SLC7A1: variants seen among roughly 807,000 people sequenced by gnomAD.
SLC7A1 encodes the protein high affinity cationic amino acid transporter 1.
In SLC7A1, 10 loss-of-function variants were observed where a neutral mutation model predicts 53.9. That is an observed-to-expected ratio of 0.19 (90% CI 0.11 to 0.31). The LOEUF (loss-of-function observed/expected upper bound fraction) is 0.31. Ranked by LOEUF, SLC7A1 falls within the 10% of genes least tolerant of loss-of-function variation. The pLI is 1.00. For synonymous variants in SLC7A1, 342 were observed against 338.7 expected (o/e 1.01, Z -0.11); for missense variants, 525 against 827.2 (o/e 0.63, Z 4.48).
Position 29,524,391 on chromosome 13 carries a change from C to T in SLC7A1, c.705-138G>A, listed in dbSNP as rs573205157. 1,103 of 1,100,740 alleles carry T rather than the reference C, an allele frequency of 1.0e-3. 23 individuals carry two copies. In the South Asian group the frequency reaches 0.013, roughly 13 times the overall value. 68.2% of individuals were successfully genotyped at this position (1,100,740 alleles called of 1,614,324 possible). ...CCGCTGCCAGGCCCTGGGCTTCAGA[C>T]GCTGAGTCCAGCCACTGCATGCTAA... On this transcript the variant is annotated intron_variant, in intron 5 of 12. Coordinates refer to ENST00000380752, the MANE Select transcript of SLC7A1 (RefSeq NM_003045.5).
At chr13:29,563,133 T>C (rs983259096) in intron 1 of SLC7A1, among the ~76,000 whole-genome samples, 4 of 152,136 alleles carry the variant, frequency 2.6e-5, no homozygotes, top group Non-Finnish European at 4.4e-5. Flanking sequence ...GGCTCTCAAC[T>C]GGGGGTGACT....
intron 1 of SLC7A1, among the ~76,000 whole-genome samples, chr13:29,566,896 G>C (rs1274243678): frequency 3.9e-5 from 6 of 152,180 alleles, no homozygotes; most frequent in Admixed American, 6.5e-5. Flanking sequence ...TGCTAAGGCA[G>C]CACTTTCTCC....
intron 12 of SLC7A1, among the ~76,000 whole-genome samples, chr13:29,515,400 G>A (rs1303832769): frequency 6.6e-6 from 1 of 152,236 alleles, no homozygotes; most frequent in Non-Finnish European, 1.5e-5. Context: ...CCACCCGGCT[G>A]CCAGCAGACA....
At chr13:29,590,796 GT>G (rs1229298200) in intron 1 of SLC7A1, among the ~76,000 whole-genome samples, 5 of 152,128 alleles carry the variant, frequency 3.3e-5, no homozygotes, top group Admixed American at 1.3e-4. Flanking sequence ...GCGAAATTAA[GT>G]TGTTGTAAAA....
chr13:29,571,641 GCT>G (rs776828096), intron 1 of SLC7A1, among the ~76,000 whole-genome samples: 11 of 152,196 alleles, frequency 7.2e-5, no homozygotes, highest in Non-Finnish European at 1.3e-4. Flanking sequence ...GAAATGAAAG[GCT>G]TTTGCTTTAC....
chr13:29,514,558 G>A lies in SLC7A1; in HGVS notation c.1812C>T (p.Gly604=), dbSNP rs546693833. 2 of 1,610,316 alleles carry A rather than the reference G, an allele frequency of 1.2e-6. No individual in the cohort carries two copies. Among genetic ancestry groups the A allele is most frequent in the Admixed American group, 1.7e-5 (1 of 59,970 alleles). The change falls in exon 13 of 13, where the codon GGC becomes GGT. Residue 604 remains glycine, a synonymous_variant. Transcript: ENST00000380752. ...LIGFIIYFGY[G]LWHSEEASLD... Reference sequence around the variant, plus strand: ...GGGACGCCTCCTCGCTGTGCCACAGGCCATAGCCAAAGTAGATGATGAAGC... The same window carrying A: ...GGGACGCCTCCTCGCTGTGCCACAGACCATAGCCAAAGTAGATGATGAAGC...
At position 29,509,898 on chromosome 13, in the gene SLC7A1, A is replaced by G. The variant is rs759481937; in HGVS notation, c.*4582T>C. Reference sequence around the variant, plus strand: ...TGCTCCTTAAACTCATTGAAGCTGAAAGGCACAACTTAAGCAGGAAACTTA... The same window carrying G: ...TGCTCCTTAAACTCATTGAAGCTGAGAGGCACAACTTAAGCAGGAAACTTA... On this transcript the variant is annotated 3_prime_UTR_variant, in exon 13 of 13. Coordinates refer to ENST00000380752, the MANE Select transcript of SLC7A1 (RefSeq NM_003045.5). 6 of 152,642 alleles carry G rather than the reference A, an allele frequency of 3.9e-5. No homozygotes were observed. The highest frequency in any genetic ancestry group is 6.5e-5 in the Admixed American group (1 of 15,282). The allele number at this position is 152,642 out of a possible 1,614,324, so 9.5% of individuals were successfully genotyped here.
chr13:29,589,633 C>T (rs1423928474), intron 1 of SLC7A1, among the ~76,000 whole-genome samples: 1 of 152,186 alleles, frequency 6.6e-6, no homozygotes, highest in Non-Finnish European at 1.5e-5. Flanking sequence ...GGGTGCCCTC[C>T]AGCGTTGGGG....
Position 29,517,773 on chromosome 13 carries a change from G to T in SLC7A1, c.1310C>A (p.Pro437His). Reference sequence around the variant, plus strand: ...ACTGGCCATCTGGTATACCAGGTTAGGCTGCTCTGGCTGGTACCTGGGAAG... The same window carrying T: ...ACTGGCCATCTGGTATACCAGGTTATGCTGCTCTGGCTGGTACCTGGGAAG... ...VLVLRYQPEQPNLVYQMASTS... is the reference protein window; with the variant it reads ...VLVLRYQPEQHNLVYQMASTS... The change falls in exon 10 of 13, where the codon CCT (proline) becomes CAT (histidine). Residue 437 changes from proline (P) to histidine (H), a missense_variant. Physicochemically the swap from Pro to His is moderately conservative, Grantham distance 77 (BLOSUM62 -2). Around this residue, in one of 4 missense-constraint regions of SLC7A1, gnomAD observed 354 missense variants for 587.5 expected, o/e 0.60. Coordinates refer to ENST00000380752, the MANE Select transcript of SLC7A1 (RefSeq NM_003045.5). 1 of 1,613,968 alleles carries T rather than the reference G, an allele frequency of 6.2e-7. No homozygotes were observed. Among genetic ancestry groups the T allele is most frequent in the African/African-American group, 1.3e-5 (1 of 75,020 alleles).
intron 1 of SLC7A1, among the ~76,000 whole-genome samples, chr13:29,569,288 C>A (rs1871097502): frequency 6.6e-6 from 1 of 152,146 alleles, no homozygotes; most frequent in Non-Finnish European, 1.5e-5. Flanking sequence ...CCAGGTGCAG[C>A]CTCAAAACCA....
chr13:29,567,898 C>T lies in SLC7A1; in HGVS notation c.-114-14038G>A, dbSNP rs116800461. 9.9e-3 allele frequency among the ~76,000 whole-genome samples: 1,505 copies of T among 151,974 alleles called. 23 individuals carry two copies. Among genetic ancestry groups the T allele is most frequent in the African/African-American group, 0.035 (1,454 of 41,422 alleles). ...TAAATCACTAGCTGTGTTGCTGGAA[C>T]GTGCATGCCCTTGAGGGTGAGGTGG... On this transcript the variant is annotated intron_variant, in intron 1 of 12. Coordinates refer to ENST00000380752, the MANE Select transcript of SLC7A1 (RefSeq NM_003045.5).
At chr13:29,526,903 G>A (rs1868918350) in intron 5 of SLC7A1, among the ~76,000 whole-genome samples, 1 of 152,190 alleles carries the variant, frequency 6.6e-6, no homozygotes. Context: ...CAACTCCAGA[G>A]CTGTGTGCAA....
At position 29,523,311 on chromosome 13, in the gene SLC7A1, G is replaced by C. The variant is rs1387045614; in HGVS notation, c.1004C>G (p.Ala335Gly). 1 of 1,613,742 alleles carries C rather than the reference G, an allele frequency of 6.2e-7. No individual in the cohort carries two copies. Among genetic ancestry groups the C allele is most frequent in the Non-Finnish European group, 8.5e-7 (1 of 1,180,000 alleles). The change falls in exon 7 of 13, where the codon GCC (alanine) becomes GGC (glycine). Residue 335 changes from alanine (A) to glycine (G), a missense_variant. Transcript: ENST00000380752. ...DAFKHVGWEG[A>G]KYAVAVGSLC... ...GGAGCCCACGGCCACTGCGTACTTGGCACCTTCCCAGCCCACGTGCTTAAA... is the reference window on the plus strand; with the variant it reads ...GGAGCCCACGGCCACTGCGTACTTGCCACCTTCCCAGCCCACGTGCTTAAA...
At chr13:29,565,453 T>C (rs922382183) in intron 1 of SLC7A1, among the ~76,000 whole-genome samples, 8 of 152,174 alleles carry the variant, frequency 5.3e-5, no homozygotes, top group African/African-American at 1.9e-4. Flanking sequence ...CACCAGGGCA[T>C]TGGCCTCCCA....
chr13:29,574,283 T>C (rs1450845065), intron 1 of SLC7A1, among the ~76,000 whole-genome samples: 1 of 152,254 alleles, frequency 6.6e-6, no homozygotes, highest in South Asian at 2.1e-4. Context: ...GTTATCACTC[T>C]AGCTGTGGGA....
At chr13:29,528,358 C>G (rs1001433718) in intron 5 of SLC7A1, among the ~76,000 whole-genome samples, 3 of 152,168 alleles carry the variant, frequency 2.0e-5, no homozygotes, top group Non-Finnish European at 4.4e-5. Flanking sequence ...GTCAAAGGCA[C>G]GAAGAGCCAT....
intron 4 of SLC7A1, among the ~76,000 whole-genome samples, 175 bp from the exon 5 acceptor site, chr13:29,530,887 A>G (rs1869120857): frequency 6.6e-6 from 1 of 152,058 alleles, no homozygotes; most frequent in African/African-American, 2.4e-5. Flanking sequence ...GGGGGCGGGG[A>G]TCAGGGGTTT....
intron 1 of SLC7A1, among the ~76,000 whole-genome samples, chr13:29,589,995 C>T (rs1566280054): frequency 1.3e-5 from 2 of 152,210 alleles, no homozygotes; most frequent in Admixed American, 1.3e-4. Context: ...TCTTACCTAG[C>T]CCCAGGGCCC....
intron 11 of SLC7A1, 35 bp from the exon 12 acceptor site, chr13:29,516,281 G>A (rs760050291): frequency 3.7e-6 from 5 of 1,355,948 alleles, no homozygotes; most frequent in Non-Finnish European, 5.2e-6. Context: ...ATCCATGGCA[G>A]TGGCGCCGGT....
Sources: allele counts gnomAD v4.1 joint callset (sites outside exome capture counted in the v4.1 genomes callset), GRCh38; gene constraint gnomAD v4.1.1; regional missense constraint gnomAD v4.1.1; transcripts MANE v1.5; gene names NCBI Gene and HGNC (gene_info 2026-07-23, HGNC 2026-07-21).